The following PRSS38 variants were observed in gnomAD, a reference collection of about 807,000 sequenced individuals.
The protein encoded by PRSS38 is serine protease 38, also known as marapsin 2.
PRSS38 carries 22 observed loss-of-function variants against 26.8 expected under a neutral mutation model. That is an observed-to-expected ratio of 0.82 (90% confidence interval 0.59 to 1.17). The LOEUF (loss-of-function observed/expected upper bound fraction) is 1.17. PRSS38 is among the 50% of genes most tolerant of loss of function. The pLI, the probability that PRSS38 is intolerant of heterozygous loss-of-function variation, is 0.00. For synonymous variants in PRSS38, 175 were observed against 172.1 expected (o/e 1.02, Z -0.13); for missense variants, 427 against 422.7 (o/e 1.01, Z -0.09).
intron 3 of PRSS38, among the ~76,000 whole-genome samples, chr1:227,818,120 G>T (rs1664949123): frequency 6.6e-6 from 1 of 151,938 alleles, no homozygotes; most frequent in African/African-American, 2.4e-5. Flanking sequence ...TTCTTACAAT[G>T]GTTGGAACCT....
At chr1:227,820,699 C>T (rs933767661) in intron 3 of PRSS38, among the ~76,000 whole-genome samples, 5 of 152,070 alleles carry the variant, frequency 3.3e-5, no homozygotes, top group African/African-American at 1.2e-4. Flanking sequence ...CTTATGGTGT[C>T]TTTGGCTTTG....
intron 3 of PRSS38, among the ~76,000 whole-genome samples, chr1:227,838,153 T>C (rs1665265522): frequency 6.6e-6 from 1 of 152,250 alleles, no homozygotes. Context: ...GTTTCACACA[T>C]AGGGTCTTTT....
intron 3 of PRSS38, among the ~76,000 whole-genome samples, chr1:227,844,668 C>T (rs532551702): frequency 7.0e-6 from 1 of 143,346 alleles, no homozygotes; most frequent in Non-Finnish European, 1.5e-5. Context: ...GGGGTCCTCC[C>T]TATGTGTGGT....
At chr1:227,843,661 C>T (rs1665371846) in intron 3 of PRSS38, among the ~76,000 whole-genome samples, 1 of 151,950 alleles carries the variant, frequency 6.6e-6, no homozygotes, top group Admixed American at 6.6e-5. Flanking sequence ...AAGATCACAC[C>T]ATTGCATTGC....
intron 3 of PRSS38, among the ~76,000 whole-genome samples, chr1:227,820,556 T>G (rs1664989009): frequency 6.6e-6 from 1 of 152,224 alleles, no homozygotes; most frequent in African/African-American, 2.4e-5. Context: ...GTTCTTATGT[T>G]GAATTACACT....
chr1:227,831,897 G>A (rs1222737730), intron 3 of PRSS38, among the ~76,000 whole-genome samples: 2 of 152,144 alleles, frequency 1.3e-5, no homozygotes, highest in African/African-American at 4.8e-5. Flanking sequence ...ATTTAGAGTA[G>A]AGTACTAAAA....
At position 227,830,501 on chromosome 1, in the gene PRSS38, CTT is replaced by C. The variant is rs1243159470; in HGVS notation, c.583+13039_583+13040del. On this transcript the variant is annotated intron_variant, in intron 3 of 4. Coordinates refer to ENST00000366757, the Ensembl canonical transcript of PRSS38. ...TTCTTGAATTAGTTTAAGGTGTCTA[CTT>C]TTTTTTTTTTTTTTTTTGAGATGGA... Among the ~76,000 whole-genome samples, 830 of 125,088 alleles carry C rather than the reference CTT, an allele frequency of 6.6e-3. 10 individuals are homozygous for C. Among genetic ancestry groups the C allele is most frequent in the African/African-American group, 0.023 (764 of 33,720 alleles). 82.1% of individuals were successfully genotyped at this position (125,088 alleles called of 152,430 possible).
At chr1:227,844,528 G>A (rs1419731737) in intron 3 of PRSS38, among the ~76,000 whole-genome samples, 4 of 150,138 alleles carry the variant, frequency 2.7e-5, no homozygotes, top group African/African-American at 7.4e-5. Context: ...TTGTGGTGGA[G>A]CTCCTCCCTA....
At chr1:227,839,451 G>C (rs1665284635) in intron 3 of PRSS38, among the ~76,000 whole-genome samples, 1 of 151,392 alleles carries the variant, frequency 6.6e-6, no homozygotes, top group Non-Finnish European at 1.5e-5. Flanking sequence ...GCCTGTAACA[G>C]GGCAAGAGCC....
intron 3 of PRSS38, among the ~76,000 whole-genome samples, chr1:227,844,484 C>T (rs907048964): frequency 4.0e-5 from 6 of 150,010 alleles, no homozygotes; most frequent in Admixed American, 2.0e-4. Flanking sequence ...TGTGGTGGGA[C>T]TCCTCCCTAT....
rs747769238 is a variant in PRSS38, at chr1:227,815,869, GC to G, written c.148+8del. 14 of 1,597,902 alleles carry G rather than the reference GC, an allele frequency of 8.8e-6. No individual in the cohort carries two copies. Among genetic ancestry groups the G allele is most frequent in the African/African-American group, 1.3e-5 (1 of 74,702 alleles). On this transcript the variant is annotated splice_donor_region_variant and intron_variant, in intron 1 of 4. Transcript: ENST00000366757. The stretch of plus-strand genomic sequence containing the variant: ...TCTCCCTAACTGGCAGCGTGGGTAG[GC>G]CCTGCCCCAGGGGCGGATGGGCGGC...
intron 3 of PRSS38, among the ~76,000 whole-genome samples, chr1:227,833,861 T>C (rs530994842): frequency 6.6e-6 from 1 of 152,350 alleles, no homozygotes; most frequent in South Asian, 2.1e-4. Flanking sequence ...AGAATAAAAC[T>C]GTTGTTGGTT....
intron 4 of PRSS38, 44 bp downstream of exon 4, chr1:227,845,656 G>C (rs2102688071): frequency 6.3e-7 from 1 of 1,594,600 alleles, no homozygotes; most frequent in Non-Finnish European, 8.6e-7. Flanking sequence ...TGGGTGCCCT[G>C]TGCCTGTGGA....
intron 3 of PRSS38, among the ~76,000 whole-genome samples, chr1:227,829,021 C>T (rs992176690): frequency 6.6e-6 from 1 of 152,194 alleles, no homozygotes; most frequent in Admixed American, 6.5e-5. Context: ...GACTTGAGGG[C>T]AGGGATTCCT....
intron 3 of PRSS38, among the ~76,000 whole-genome samples, chr1:227,832,602 T>A (rs1389909010): frequency 6.6e-6 from 1 of 152,170 alleles, no homozygotes; most frequent in Non-Finnish European, 1.5e-5. Context: ...AGGAACAAAA[T>A]TAAGATGCCT....
Position 227,816,990 on chromosome 1 carries a change from G to C in PRSS38, c.312-219G>C, listed in dbSNP as rs1056473639. ...CTGCTGGCCTGTACAGCTGGTGGTCGTGTACAGACTTGGGTCCCCAGAGCC... is the reference window on the plus strand; with the variant it reads ...CTGCTGGCCTGTACAGCTGGTGGTCCTGTACAGACTTGGGTCCCCAGAGCC... On this transcript the variant is annotated intron_variant, in intron 2 of 4. Transcript: ENST00000366757. The surrounding 1 kb of genome is among the most constrained non-coding windows in gnomAD (Gnocchi z 5.1). Among the ~76,000 whole-genome samples the C allele has an allele frequency of 6.6e-6, 1 of 152,228 alleles. No homozygotes were observed. Among genetic ancestry groups the C allele is most frequent in the Non-Finnish European group, 1.5e-5 (1 of 68,038 alleles).
intron 3 of PRSS38, among the ~76,000 whole-genome samples, chr1:227,825,192 T>A (rs2102676231): frequency 6.6e-6 from 1 of 152,318 alleles, no homozygotes; most frequent in East Asian, 1.9e-4. Flanking sequence ...CTAGGTTTTT[T>A]ATTTTTTTGT....
intron 3 of PRSS38, among the ~76,000 whole-genome samples, chr1:227,841,287 A>G (rs912754985): frequency 6.6e-6 from 1 of 152,266 alleles, no homozygotes; most frequent in African/African-American, 2.4e-5. Flanking sequence ...AGCAGTGGTG[A>G]AGATTCAAGA....
intron 3 of PRSS38, among the ~76,000 whole-genome samples, chr1:227,829,515 TA>T (rs1478953947): frequency 6.6e-6 from 1 of 152,202 alleles, no homozygotes; most frequent in Non-Finnish European, 1.5e-5. Flanking sequence ...TCATGGGCCT[TA>T]GGCAGTATAT....
Sources: gnomAD v4.1 joint callset for allele counts (sites outside exome capture counted in the v4.1 genomes callset) on GRCh38, gnomAD v4.1.1 for gene constraint, Gnocchi (gnomAD v3.1) non-coding constraint, MANE v1.5 for transcripts, NCBI Gene and HGNC (gene_info 2026-07-23, HGNC 2026-07-21) for gene names.